The following TMEM131 variants were observed in gnomAD, a reference collection of about 807,000 sequenced individuals.
TMEM131 encodes 2610524E03Rik.
Under a neutral mutation model 211.6 loss-of-function variants are expected in TMEM131, and 66 were observed. The observed-to-expected ratio is 0.31, with a 90% CI of 0.26 to 0.38. The LOEUF (loss-of-function observed/expected upper bound fraction) is 0.38. Ranked by LOEUF, TMEM131 falls within the 10% of genes least tolerant of loss-of-function variation. The pLI is 1.00. For synonymous variants in TMEM131, 844 were observed against 841.3 expected (o/e 1.00, Z -0.06); for missense variants, 2,036 against 2,299.3 (o/e 0.89, Z 2.34).
intron 11 of TMEM131, among the ~76,000 whole-genome samples, chr2:97,822,114 C>T (rs559789295): frequency 3.9e-5 from 6 of 152,154 alleles, no homozygotes; most frequent in African/African-American, 9.7e-5. Flanking sequence ...AGGATAGTTC[C>T]GCTTCTAAAA....
intron 1 of TMEM131, among the ~76,000 whole-genome samples, chr2:97,935,229 G>C (rs1036950436): frequency 2.0e-5 from 3 of 152,134 alleles, no homozygotes; most frequent in Admixed American, 6.5e-5. Context: ...CAGGGAAATG[G>C]TAATGAAAGC....
At chr2:97,968,534 C>G (rs1372455022) in intron 1 of TMEM131, among the ~76,000 whole-genome samples, 1 of 152,108 alleles carries the variant, frequency 6.6e-6, no homozygotes, top group East Asian at 1.9e-4. Flanking sequence ...GCAGTAGGGT[C>G]TCGGAAAATG....
intron 1 of TMEM131, among the ~76,000 whole-genome samples, chr2:97,948,442 G>C (rs188620992): frequency 7.9e-5 from 12 of 152,080 alleles, no homozygotes; most frequent in African/African-American, 2.9e-4. Context: ...AAATAAGAGG[G>C]CACATGAAAA....
chr2:97,895,406 T>C (rs1203178270), intron 3 of TMEM131, among the ~76,000 whole-genome samples: 1 of 152,242 alleles, frequency 6.6e-6, no homozygotes, highest in South Asian at 2.1e-4. Context: ...GAGGATTCTC[T>C]CTTTTTCTAT....
chr2:97,893,351 CAT>C (rs1675465469), intron 3 of TMEM131, among the ~76,000 whole-genome samples: 2 of 152,250 alleles, frequency 1.3e-5, no homozygotes, highest in Admixed American at 6.5e-5. Context: ...GTAATAAACA[CAT>C]GTGTGCATGT....
At chr2:97,870,259 T>C (rs992178933) in intron 4 of TMEM131, among the ~76,000 whole-genome samples, 5 of 152,220 alleles carry the variant, frequency 3.3e-5, no homozygotes, top group African/African-American at 7.2e-5. Context: ...GGAGAATGTA[T>C]GTACAGGTAC....
At chr2:97,991,774 G>A (rs1351927077) in intron 1 of TMEM131, among the ~76,000 whole-genome samples, 1 of 152,190 alleles carries the variant, frequency 6.6e-6, no homozygotes, top group Non-Finnish European at 1.5e-5. Context: ...AGGCAAGAGA[G>A]AGAACACCTA....
chr2:97,770,237 TA>T (rs1171986361), intron 33 of TMEM131, among the ~76,000 whole-genome samples: 1 of 152,156 alleles, frequency 6.6e-6, no homozygotes, highest in Non-Finnish European at 1.5e-5. Context: ...CTCCGGTTAT[TA>T]AAAAAACCAG....
intron 33 of TMEM131, among the ~76,000 whole-genome samples, chr2:97,767,939 G>A (rs906906940): frequency 5.9e-5 from 9 of 152,084 alleles, no homozygotes; most frequent in African/African-American, 2.2e-4. Context: ...CAACTTTCCC[G>A]ATCTAACGGC....
At chr2:97,941,938 C>G (rs990879512) in intron 1 of TMEM131, among the ~76,000 whole-genome samples, 24 of 152,122 alleles carry the variant, frequency 1.6e-4, no homozygotes, top group Admixed American at 2.0e-4. Flanking sequence ...GGATCCAGAA[C>G]TAGAAATACC....
At chr2:97,923,200 A>G (rs1202014378) in intron 2 of TMEM131, among the ~76,000 whole-genome samples, 1 of 152,200 alleles carries the variant, frequency 6.6e-6, no homozygotes, top group East Asian at 1.9e-4. Flanking sequence ...GAACTGCTGG[A>G]ACCCAGGAGG....
In TMEM131 at chr2:97,796,834, G is replaced by T; in HGVS notation, c.3013+10C>A. On this transcript the variant is annotated intron_variant, in intron 27 of 40. Transcript: ENST00000186436. ...AAATTAGTGTCCTTGAAACTGTTAG[G>T]AAGACTTACTATCTGTACAATCTTT... 6.2e-7 allele frequency: 1 copy of T among 1,609,382 alleles called. No individual in the cohort carries two copies. The highest frequency in any genetic ancestry group is 8.5e-7 in the Non-Finnish European group (1 of 1,178,060).
At chr2:97,978,009 C>A (rs1388241077) in intron 1 of TMEM131, among the ~76,000 whole-genome samples, 1 of 152,154 alleles carries the variant, frequency 6.6e-6, no homozygotes, top group African/African-American at 2.4e-5. Context: ...ACTGCTTGAA[C>A]CCGGGAGGTG....
At chr2:97,841,633 CAGACTGCTGTATTCCAAAATT>C (rs1181807849) in intron 7 of TMEM131, among the ~76,000 whole-genome samples, 161 bp downstream of exon 7, 1 of 12,618 alleles carries the variant, frequency 7.9e-5, no homozygotes. Flanking sequence ...TTCCAAAATT[CAGACTGCTGTATTCCAAAATT>C]CAGACTGCAG....
chr2:97,792,213 T>C (rs1295342929), intron 31 of TMEM131, among the ~76,000 whole-genome samples, 173 bp downstream of exon 31: 4 of 152,264 alleles, frequency 2.6e-5, no homozygotes, highest in African/African-American at 9.6e-5. Flanking sequence ...TTATGACAGA[T>C]ACCTCTAATT....
intron 4 of TMEM131, among the ~76,000 whole-genome samples, chr2:97,879,212 C>T (rs190922972): frequency 6.6e-6 from 1 of 152,290 alleles, no homozygotes; most frequent in East Asian, 1.9e-4. Context: ...CGAATTTCTT[C>T]CCACTGCTGT....
chr2:97,855,988 A>T (rs1239071069), intron 5 of TMEM131, among the ~76,000 whole-genome samples: 1 of 152,324 alleles, frequency 6.6e-6, no homozygotes, highest in South Asian at 2.1e-4. Context: ...GAAATAAGTG[A>T]ACTATAACAT....
intron 4 of TMEM131, among the ~76,000 whole-genome samples, chr2:97,887,118 T>C (rs978183794): frequency 1.3e-5 from 2 of 152,236 alleles, no homozygotes; most frequent in African/African-American, 4.8e-5. Context: ...TTAGTTGGCC[T>C]TGAAGTGTGT....
chr2:97,844,724 A>C (rs1258978603), intron 5 of TMEM131, among the ~76,000 whole-genome samples: 1 of 152,236 alleles, frequency 6.6e-6, no homozygotes, highest in Admixed American at 6.5e-5. Context: ...TAAATAGGAA[A>C]GAAGGCAGGG....
Sources: gnomAD v4.1 joint callset for allele counts (sites outside exome capture counted in the v4.1 genomes callset) on GRCh38, gnomAD v4.1.1 for gene constraint, MANE v1.5 for transcripts, NCBI Gene and HGNC (gene_info 2026-07-23, HGNC 2026-07-21) for gene names.